Variants in PRKCE observed in about 807,000 individuals in gnomAD.
PRKCE encodes the protein protein kinase C epsilon, also known as protein kinase C epsilon type.
Under a neutral mutation model 85.4 loss-of-function variants are expected in PRKCE, and 16 were observed. The observed-to-expected ratio is 0.19, with a 90% CI of 0.13 to 0.28. PRKCE has a LOEUF of 0.28. PRKCE is among the 10% of genes least tolerant of loss of function. The pLI, the probability that PRKCE is intolerant of heterozygous loss-of-function variation, is 1.00. For synonymous variants in PRKCE, 388 were observed against 371.5 expected, an observed-to-expected ratio of 1.04 and a Z score of -0.51; for missense variants, 573 against 975.2, an observed-to-expected ratio of 0.59 and a Z score of 5.49.
intron 14 of PRKCE, among the ~76,000 whole-genome samples, chr2:46,173,784 T>C (rs1246011318): frequency 6.6e-6 from 1 of 152,228 alleles, no homozygotes; most frequent in Admixed American, 6.5e-5. Flanking sequence ...CCCCAGCTAA[T>C]TCCCAGACAA....
chr2:45,820,020 G>T (rs1689394800), intron 1 of PRKCE, among the ~76,000 whole-genome samples: 1 of 152,138 alleles, frequency 6.6e-6, no homozygotes. Context: ...CTGCTGTGGG[G>T]ATTGCAGTAC....
At chr2:45,684,103 G>A (rs562180361) in intron 1 of PRKCE, among the ~76,000 whole-genome samples, 10 of 152,258 alleles carry the variant, frequency 6.6e-5, no homozygotes, top group East Asian at 3.9e-4. Context: ...AAGTCAAGGG[G>A]GAGGTCTCTT....
chr2:46,074,516 G>C (rs1245771336), intron 10 of PRKCE, among the ~76,000 whole-genome samples: 6 of 151,970 alleles, frequency 3.9e-5, no homozygotes, highest in Admixed American at 2.0e-4. Flanking sequence ...CAATGAAATG[G>C]TTCAAGGATT....
chr2:45,975,707 G>A (rs1417078038), intron 2 of PRKCE, among the ~76,000 whole-genome samples: 4 of 152,080 alleles, frequency 2.6e-5, no homozygotes, highest in Non-Finnish European at 5.9e-5. Context: ...TCAGTTGGTG[G>A]GGCAGTCTCA....
intron 1 of PRKCE, among the ~76,000 whole-genome samples, chr2:45,795,955 G>A (rs1558680951): frequency 6.6e-6 from 1 of 152,210 alleles, no homozygotes; most frequent in Non-Finnish European, 1.5e-5. Flanking sequence ...AAGTTGAAAA[G>A]AATAGAAAAT....
chr2:45,677,956 C>T, intron 1 of PRKCE: 1 of 892,996 alleles, frequency 1.1e-6, no homozygotes, highest in Non-Finnish European at 1.3e-6. Flanking sequence ...CTTTTGTCTG[C>T]CACTGTGATG....
At chr2:45,842,939 G>A in intron 1 of PRKCE, 61 bp from the exon 2 acceptor site, 1 of 1,479,296 alleles carries the variant, frequency 6.8e-7, no homozygotes, top group Non-Finnish European at 9.4e-7. Flanking sequence ...GAAATGTTGT[G>A]GAACTCTTAG....
chr2:45,726,349 T>C (rs780079053), intron 1 of PRKCE, among the ~76,000 whole-genome samples: 2 of 152,172 alleles, frequency 1.3e-5, no homozygotes, highest in Non-Finnish European at 2.9e-5. Context: ...TTTAAGAAAT[T>C]GGCATAGCAA....
chr2:45,858,689 A>C (rs1692883807), intron 2 of PRKCE, among the ~76,000 whole-genome samples: 1 of 152,092 alleles, frequency 6.6e-6, no homozygotes, highest in Non-Finnish European at 1.5e-5. Flanking sequence ...TTTAGCACCT[A>C]AATGTATGCT....
chr2:46,129,018 T>G (rs1674144935), intron 11 of PRKCE, among the ~76,000 whole-genome samples: 1 of 152,154 alleles, frequency 6.6e-6, no homozygotes, highest in Admixed American at 6.5e-5. Flanking sequence ...GGTTAAGAGT[T>G]TGCCTCTGAG....
chr2:45,914,737 A>C (rs1697634260), intron 2 of PRKCE, among the ~76,000 whole-genome samples: 1 of 152,196 alleles, frequency 6.6e-6, no homozygotes, highest in African/African-American at 2.4e-5. Flanking sequence ...ATGGCAAGTT[A>C]ATCAAGTGTT....
At chr2:46,154,975 T>C (rs1677057236) in intron 13 of PRKCE, among the ~76,000 whole-genome samples, 1 of 152,208 alleles carries the variant, frequency 6.6e-6, no homozygotes, top group Admixed American at 6.5e-5. Context: ...AGGAGCTATG[T>C]AACTGTTTGA....
intron 10 of PRKCE, among the ~76,000 whole-genome samples, chr2:46,028,035 G>A (rs1479265463): frequency 1.3e-5 from 2 of 151,678 alleles, no homozygotes; most frequent in Non-Finnish European, 2.9e-5. Context: ...TCCGCCTCCC[G>A]GGTTCACGTG....
At chr2:45,680,554 C>A (rs192572668) in intron 1 of PRKCE, among the ~76,000 whole-genome samples, 1 of 152,092 alleles carries the variant, frequency 6.6e-6, no homozygotes, top group Non-Finnish European at 1.5e-5. Context: ...GTGAACCAAA[C>A]GGGGAAAGTA....
At chr2:46,170,930 T>G (rs1678832203) in intron 14 of PRKCE, among the ~76,000 whole-genome samples, 1 of 152,200 alleles carries the variant, frequency 6.6e-6, no homozygotes, top group Non-Finnish European at 1.5e-5. Context: ...ATTGGAAAGT[T>G]TCTTCTTTGG....
At chr2:46,169,676 A>G (rs1444854507) in intron 14 of PRKCE, among the ~76,000 whole-genome samples, 1 of 152,204 alleles carries the variant, frequency 6.6e-6, no homozygotes, top group Non-Finnish European at 1.5e-5. Flanking sequence ...CTAGGACTTT[A>G]GCCGCACTCC....
intron 6 of PRKCE, among the ~76,000 whole-genome samples, chr2:45,990,704 G>A (rs1558929011): frequency 6.6e-6 from 1 of 151,232 alleles, no homozygotes; most frequent in Non-Finnish European, 1.5e-5. Context: ...GCCCAGGCTG[G>A]AGTGCAGTGA....
At chr2:45,901,041 TG>T (rs1319318118) in intron 2 of PRKCE, among the ~76,000 whole-genome samples, 1 of 152,190 alleles carries the variant, frequency 6.6e-6, no homozygotes, top group Non-Finnish European at 1.5e-5. Flanking sequence ...ATGCTTTCGC[TG>T]GGTTGGCTAG....
chr2:45,998,688 A>G (rs929327855), intron 6 of PRKCE, among the ~76,000 whole-genome samples: 1 of 152,170 alleles, frequency 6.6e-6, no homozygotes, highest in African/African-American at 2.4e-5. Context: ...ACTTGGGTTA[A>G]TATCTACTAT....
Sources: gnomAD v4.1 joint callset for allele counts (sites outside exome capture counted in the v4.1 genomes callset) on GRCh38, gnomAD v4.1.1 for gene constraint, MANE v1.5 for transcripts, NCBI Gene and HGNC (gene_info 2026-07-23, HGNC 2026-07-21) for gene names.